SPAG16: variants seen among roughly 807,000 people sequenced by gnomAD.
SPAG16 encodes the protein sperm-associated antigen 16 protein.
In SPAG16, 86 loss-of-function variants were observed where a neutral mutation model predicts 80.4. That is an observed-to-expected ratio of 1.07 (90% confidence interval 0.90 to 1.28). The LOEUF is 1.28. Among genes scored for constraint, SPAG16 ranks in the 50% most tolerant of loss-of-function variants. The probability of loss-of-function intolerance (pLI) is 0.00; values close to 1 mark genes in which losing one functional copy is unlikely to be tolerated. For missense variants in SPAG16, 870 were observed against 765.3 expected (o/e 1.14, Z -1.61); for synonymous variants, 294 against 265.9 (o/e 1.11, Z -1.03).
intron 12 of SPAG16, among the ~76,000 whole-genome samples, chr2:213,997,511 G>A (rs1345562171): frequency 6.6e-6 from 1 of 152,164 alleles, no homozygotes; most frequent in Non-Finnish European, 1.5e-5. Flanking sequence ...CAACAGTAAT[G>A]TTGTGTACTT....
intron 10 of SPAG16, among the ~76,000 whole-genome samples, chr2:213,521,076 T>C (rs1459824396): frequency 6.6e-6 from 1 of 152,152 alleles, no homozygotes; most frequent in Non-Finnish European, 1.5e-5. Context: ...GATCCTCTTA[T>C]GTGTGTGTGG....
At chr2:213,509,396 ATCT>A (rs1189323317) in intron 10 of SPAG16, among the ~76,000 whole-genome samples, 1 of 152,186 alleles carries the variant, frequency 6.6e-6, no homozygotes, top group Non-Finnish European at 1.5e-5. Context: ...TTTGCCTGAA[ATCT>A]TCTTGCATTA....
At chr2:213,615,328 C>T (rs1380293074) in intron 10 of SPAG16, among the ~76,000 whole-genome samples, 2 of 152,220 alleles carry the variant, frequency 1.3e-5, no homozygotes, top group Non-Finnish European at 1.5e-5. Flanking sequence ...TACGGTGGCT[C>T]ACGCCTGTAA....
intron 11 of SPAG16, among the ~76,000 whole-genome samples, chr2:213,901,542 C>T (rs1317558646): frequency 6.6e-6 from 1 of 151,926 alleles, no homozygotes; most frequent in Non-Finnish European, 1.5e-5. Flanking sequence ...TAATTCTATG[C>T]TGGTGAAGGT....
intron 15 of SPAG16, among the ~76,000 whole-genome samples, chr2:214,172,879 T>C (rs1315596203): frequency 6.6e-6 from 1 of 152,140 alleles, no homozygotes; most frequent in African/African-American, 2.4e-5. Flanking sequence ...TCATGTGTTT[T>C]TTGGCTGCAT....
At chr2:214,300,944 G>A (rs1694498719) in intron 15 of SPAG16, among the ~76,000 whole-genome samples, 1 of 150,498 alleles carries the variant, frequency 6.6e-6, no homozygotes, top group Non-Finnish European at 1.5e-5. Context: ...ATCAGGCAAG[G>A]ACACAACAAC....
intron 4 of SPAG16, among the ~76,000 whole-genome samples, chr2:213,311,345 T>G (rs1346773349): frequency 1.3e-5 from 2 of 151,804 alleles, no homozygotes; most frequent in Non-Finnish European, 3.0e-5. Context: ...ATTAATATGA[T>G]TCACTTAACT....
At chr2:213,932,464 A>G (rs909268339) in intron 12 of SPAG16, among the ~76,000 whole-genome samples, 7 of 151,914 alleles carry the variant, frequency 4.6e-5, no homozygotes, top group African/African-American at 1.7e-4. Flanking sequence ...GAAACTCCCA[A>G]AGTGCTGGGG....
chr2:213,820,746 G>A lies in SPAG16; in HGVS notation c.1071-41739G>A, dbSNP rs112620488. ...ATGATTTAATATCATAATTATGATT[G>A]TATCTTTCATTAATAGTAAATGACA... On this transcript the variant is annotated intron_variant, in intron 10 of 15. Transcript: ENST00000331683. 7.9e-5 allele frequency among the ~76,000 whole-genome samples: 12 copies of A among 151,926 alleles called. 1 individual carries two copies. The South Asian group carries it at 2.1e-3, about 26-fold the overall frequency.
intron 6 of SPAG16, among the ~76,000 whole-genome samples, chr2:213,349,412 G>A (rs998145463): frequency 6.6e-6 from 1 of 152,172 alleles, no homozygotes; most frequent in African/African-American, 2.4e-5. Flanking sequence ...TGACAAATTT[G>A]ATAATAAGAT....
chr2:213,777,058 C>T (rs988872609), intron 10 of SPAG16, among the ~76,000 whole-genome samples: 12 of 151,804 alleles, frequency 7.9e-5, no homozygotes, highest in Non-Finnish European at 1.6e-4. Flanking sequence ...TCATAGGTTT[C>T]TTTGTTACTT....
At chr2:213,352,407 A>G (rs2065383380) in intron 7 of SPAG16, among the ~76,000 whole-genome samples, 1 of 152,180 alleles carries the variant, frequency 6.6e-6, no homozygotes, top group African/African-American at 2.4e-5. Context: ...TAGGAGCTAG[A>G]TTCAGATCTC....
intron 15 of SPAG16, among the ~76,000 whole-genome samples, chr2:214,153,711 T>A (rs1320125078): frequency 6.6e-6 from 1 of 152,090 alleles, no homozygotes; most frequent in Non-Finnish European, 1.5e-5. Context: ...GAAACAAGGA[T>A]CAAAACCTCA....
intron 15 of SPAG16, among the ~76,000 whole-genome samples, chr2:214,354,386 G>C (rs1698633569): frequency 1.3e-5 from 2 of 152,136 alleles, no homozygotes; most frequent in East Asian, 3.9e-4. Flanking sequence ...GTACCATGCT[G>C]TTTTGGTTAC....
At chr2:214,089,026 ATAAG>A (rs1476076627) in intron 13 of SPAG16, among the ~76,000 whole-genome samples, 1 of 152,180 alleles carries the variant, frequency 6.6e-6, no homozygotes. Flanking sequence ...ATATTAAAGA[ATAAG>A]TAATAGATTC....
At chr2:214,329,807 C>G (rs1696765940) in intron 15 of SPAG16, among the ~76,000 whole-genome samples, 1 of 152,000 alleles carries the variant, frequency 6.6e-6, no homozygotes, top group African/African-American at 2.4e-5. Context: ...GTATCTTAAC[C>G]TGGAGAAATA....
intron 10 of SPAG16, among the ~76,000 whole-genome samples, chr2:213,640,540 G>T (rs951078628): frequency 3.9e-5 from 6 of 152,108 alleles, no homozygotes; most frequent in Non-Finnish European, 8.8e-5. Context: ...CACCCAGTGG[G>T]GCTACAGGGC....
intron 15 of SPAG16, among the ~76,000 whole-genome samples, chr2:214,291,300 CTTT>C (rs56771172): frequency 5.0e-5 from 4 of 80,484 alleles, no homozygotes; most frequent in African/African-American, 2.1e-4. Flanking sequence ...GATCATGTTT[CTTT>C]TTTTTTTTTT....
intron 1 of SPAG16, among the ~76,000 whole-genome samples, chr2:213,288,832 A>G (rs2062157097): frequency 6.6e-6 from 1 of 152,202 alleles, no homozygotes; most frequent in Non-Finnish European, 1.5e-5. Context: ...TCTGAACCCT[A>G]AAGTGTATTT....
Sources: allele counts gnomAD v4.1 joint callset (sites outside exome capture counted in the v4.1 genomes callset), GRCh38; gene constraint gnomAD v4.1.1; transcripts MANE v1.5; gene names NCBI Gene and HGNC (gene_info 2026-07-23, HGNC 2026-07-21).